NFATC2: variants seen among roughly 807,000 people sequenced by gnomAD.
NFATC2 encodes the protein nuclear factor of activated T-cells, cytoplasmic 2.
In NFATC2, 22 loss-of-function variants were observed where a neutral mutation model predicts 87.3. The observed-to-expected ratio is 0.25, with a 90% CI of 0.18 to 0.36. The LOEUF (loss-of-function observed/expected upper bound fraction) is 0.36, where lower values mean the gene tolerates loss of function less well. NFATC2 is among the 10% of genes least tolerant of loss of function. The pLI is 1.00. For synonymous variants in NFATC2, 565 were observed against 542.2 expected (o/e 1.04, Z -0.58); for missense variants, 1,149 against 1,259.1 (o/e 0.91, Z 1.32).
At chr20:51,547,339 T>C (rs1196608385), upstream of NFATC2, among the ~76,000 whole-genome samples, 1 of 152,142 alleles carries the variant, frequency 6.6e-6, no homozygotes, top group African/African-American at 2.4e-5. Context: ...GTTACCTCTC[T>C]TCCTCTTCTA....
chr20:51,459,366 C>T (rs901367999), intron 5 of NFATC2, among the ~76,000 whole-genome samples: 39 of 152,276 alleles, frequency 2.6e-4, no homozygotes, highest in Non-Finnish European at 3.8e-4. Context: ...CGCAGAGAGA[C>T]GGAGAGCAGA....
chr20:51,398,940 G>C, intron 9 of NFATC2: 1 of 549,726 alleles, frequency 1.8e-6, no homozygotes, highest in Non-Finnish European at 3.3e-6. Context: ...GAGGGACTCT[G>C]TGCAAAGTGC....
intron 5 of NFATC2, among the ~76,000 whole-genome samples, chr20:51,455,368 T>C (rs1986288780): frequency 6.6e-6 from 1 of 151,978 alleles, no homozygotes; most frequent in Non-Finnish European, 1.5e-5. Flanking sequence ...CCCAGTTACC[T>C]GCATGTCTCC....
chr20:51,530,217 A>G (rs2076610709), intron 1 of NFATC2, among the ~76,000 whole-genome samples: 1 of 152,130 alleles, frequency 6.6e-6, no homozygotes, highest in Non-Finnish European at 1.5e-5. Flanking sequence ...GCCAGGCTGG[A>G]GTACAGTGGT....
chr20:51,551,280 C>G (rs1212906950), intron 1 of NFATC2, among the ~76,000 whole-genome samples: 2 of 152,194 alleles, frequency 1.3e-5, no homozygotes, highest in Non-Finnish European at 2.9e-5. Flanking sequence ...AAAAAAAATC[C>G]TCGCTGAACA....
intron 9 of NFATC2, among the ~76,000 whole-genome samples, chr20:51,402,228 C>G (rs1431217249): frequency 6.6e-6 from 1 of 152,210 alleles, no homozygotes; most frequent in Non-Finnish European, 1.5e-5. Context: ...TGTGTAAACT[C>G]AGACCTGAAC....
chr20:51,427,674 G>A (rs1178365739), intron 9 of NFATC2, among the ~76,000 whole-genome samples: 16 of 152,096 alleles, frequency 1.1e-4, no homozygotes, highest in Non-Finnish European at 4.4e-5. Flanking sequence ...CCGAGTTCAC[G>A]GCCTCCGCCA....
chr20:51,546,513 G>A (rs991678140), upstream of NFATC2, among the ~76,000 whole-genome samples: 11 of 152,152 alleles, frequency 7.2e-5, no homozygotes, highest in East Asian at 5.8e-4. Context: ...ACAGGGCATC[G>A]CTGTCAACTT....
chr20:51,498,110 G>A (rs2076019434), intron 3 of NFATC2, among the ~76,000 whole-genome samples: 2 of 152,176 alleles, frequency 1.3e-5, no homozygotes, highest in African/African-American at 4.8e-5. Flanking sequence ...ACGAGGGGCC[G>A]GGAAGCTTGG....
intron 5 of NFATC2, among the ~76,000 whole-genome samples, chr20:51,470,926 G>A (rs1988146486): frequency 6.6e-6 from 1 of 152,108 alleles, no homozygotes; most frequent in South Asian, 2.1e-4. Flanking sequence ...GGTGGGTTAT[G>A]GGAACCAAAA....
chr20:51,526,473 TG>T (rs989524159), intron 1 of NFATC2, among the ~76,000 whole-genome samples: 4 of 152,158 alleles, frequency 2.6e-5, no homozygotes, highest in Admixed American at 6.5e-5. Context: ...CCGTCAGTGT[TG>T]GGCCCGTGTC....
chr20:51,522,975 C>T, intron 2 of NFATC2, 106 bp downstream of exon 2: 1 of 1,440,462 alleles, frequency 6.9e-7, no homozygotes, highest in East Asian at 2.3e-5. Context: ...GATTTAAATC[C>T]ATTTAAAGTC....
intron 5 of NFATC2, among the ~76,000 whole-genome samples, chr20:51,460,710 C>A (rs1363903878): frequency 3.3e-5 from 5 of 151,534 alleles, no homozygotes; most frequent in Admixed American, 3.3e-4. Context: ...TGAGCTCAGG[C>A]GATCCGCACG....
chr20:51,519,458 C>CA (rs34825072), intron 2 of NFATC2, among the ~76,000 whole-genome samples: 1,804 of 124,644 alleles, frequency 0.014, 36 homozygotes, highest in African/African-American at 0.049. Flanking sequence ...ACTAAAAATA[C>CA]AAAAAAAAAA....
intron 3 of NFATC2, among the ~76,000 whole-genome samples, chr20:51,515,204 A>G (rs2076332467): frequency 6.6e-6 from 1 of 152,218 alleles, no homozygotes; most frequent in Non-Finnish European, 1.5e-5. Flanking sequence ...TGGGCTGTGT[A>G]AGCACAGGGA....
chr20:51,414,416 T>C (rs1979732649), intron 9 of NFATC2, among the ~76,000 whole-genome samples: 1 of 152,072 alleles, frequency 6.6e-6, no homozygotes, highest in Non-Finnish European at 1.5e-5. Context: ...GAGCCAGGCA[T>C]GGTGGCTCAC....
intron 8 of NFATC2, 59 bp downstream of exon 8, chr20:51,435,129 T>C: frequency 6.3e-7 from 1 of 1,599,710 alleles, no homozygotes; most frequent in East Asian, 2.2e-5. Flanking sequence ...TCAGGAGTCC[T>C]GAGCCCTGTG....
chr20:51,546,386 A>G (rs1459605503), upstream of NFATC2, among the ~76,000 whole-genome samples: 3 of 151,854 alleles, frequency 2.0e-5, no homozygotes, highest in Non-Finnish European at 2.9e-5. Context: ...CATATTTTCA[A>G]TTCAAAAATA....
intron 1 of NFATC2, among the ~76,000 whole-genome samples, chr20:51,551,159 G>T (rs1428644219): frequency 6.6e-6 from 1 of 152,174 alleles, no homozygotes; most frequent in Non-Finnish European, 1.5e-5. Context: ...ACTCCAGCAA[G>T]GCTGGCACTA....
Sources: allele counts gnomAD v4.1 joint callset (sites outside exome capture counted in the v4.1 genomes callset), GRCh38; gene constraint gnomAD v4.1.1; transcripts MANE v1.5; gene names NCBI Gene and HGNC (gene_info 2026-07-23, HGNC 2026-07-21).